The following CA10 variants were observed in gnomAD, a reference collection of about 807,000 sequenced individuals.
CA10 encodes the protein carbonic anhydrase 10 (inactive).
CA10 carries 14 observed loss-of-function variants against 44.2 expected under a neutral mutation model. That is an observed-to-expected ratio of 0.32 (90% CI 0.21 to 0.50). The LOEUF (loss-of-function observed/expected upper bound fraction) is 0.50, where lower values mean the gene tolerates loss of function less well. Among genes scored for constraint, CA10 ranks in the 20% least tolerant of loss-of-function variants. The pLI is 0.99. For synonymous variants in CA10, 159 were observed against 141.6 expected (o/e 1.12, Z -0.87); for missense variants, 350 against 409.7 (o/e 0.85, Z 1.26).
At chr17:51,730,338 T>C (rs999644666) in intron 4 of CA10, among the ~76,000 whole-genome samples, 2 of 152,230 alleles carry the variant, frequency 1.3e-5, no homozygotes, top group Admixed American at 6.5e-5. Context: ...TTCTGTTTCT[T>C]TGATGAGGAA....
intron 2 of CA10, among the ~76,000 whole-genome samples, chr17:51,960,192 T>C (rs1983834804): frequency 6.6e-6 from 1 of 151,854 alleles, no homozygotes. Context: ...GTCATTGAAT[T>C]TGAAAAGTAG....
intron 3 of CA10, 138 bp downstream of exon 3, chr17:51,930,852 T>C (rs1982628256): frequency 2.1e-6 from 2 of 954,000 alleles, no homozygotes; most frequent in Non-Finnish European, 3.2e-6. Context: ...TTCTATCTAA[T>C]GGCGGCAGGT....
chr17:51,754,400 GATATATATATAT>G (rs56145404), intron 3 of CA10, among the ~76,000 whole-genome samples: 1,134 of 73,052 alleles, frequency 0.016, 46 homozygotes, highest in Middle Eastern at 0.065. Context: ...GTGTGTGTGT[GATATATATATAT>G]ATATATATAT....
At chr17:51,756,438 G>C (rs1905081402) in intron 3 of CA10, among the ~76,000 whole-genome samples, 1 of 151,422 alleles carries the variant, frequency 6.6e-6, no homozygotes, top group Non-Finnish European at 1.5e-5. Flanking sequence ...AAGTTGGTAG[G>C]AAGAGTGCTG....
At chr17:51,962,074 A>G (rs888653061) in intron 2 of CA10, among the ~76,000 whole-genome samples, 1 of 152,232 alleles carries the variant, frequency 6.6e-6, no homozygotes. Context: ...CCCAATGCCC[A>G]GGCATATCTC....
intron 2 of CA10, among the ~76,000 whole-genome samples, chr17:52,028,251 G>A (rs1210613159): frequency 6.6e-6 from 1 of 152,122 alleles, no homozygotes; most frequent in African/African-American, 2.4e-5. Flanking sequence ...TTAGCAAGGA[G>A]ACATAGATAT....
chr17:52,019,149 T>C (rs1174176899), intron 2 of CA10, among the ~76,000 whole-genome samples: 1 of 152,078 alleles, frequency 6.6e-6, no homozygotes, highest in Non-Finnish European at 1.5e-5. Context: ...CTTTATAAAT[T>C]ACAAAATTCC....
intron 1 of CA10, 29 bp downstream of exon 1, chr17:52,157,697 T>G (rs1598245809): frequency 6.2e-7 from 1 of 1,607,438 alleles, no homozygotes; most frequent in Non-Finnish European, 8.5e-7. Context: ...ATAATCCAAA[T>G]CAGCCAGTGA....
intron 6 of CA10, among the ~76,000 whole-genome samples, chr17:51,644,174 CT>C (rs35416470): frequency 0.68 from 101,985 of 149,032 alleles, 35,229 homozygotes; most frequent in South Asian, 0.8. Flanking sequence ...AGTTCCCCCC[CT>C]TTTTTTTTTT....
In CA10 at chr17:52,158,606, G is replaced by C. The variant is rs1049032167; in HGVS notation, c.-820C>G. ...TGGGGGCACACAGACTCTCCAGGTC[G>C]CGCGCGCCCTTCCTGCTCCTCTGCT... On this transcript the variant is annotated 5_prime_UTR_variant, in exon 1 of 9. Transcript: ENST00000451037. The C allele has an allele frequency of 6.5e-6, 1 of 152,686 alleles. No individual in the cohort carries two copies. The highest frequency in any genetic ancestry group is 1.5e-5 in the Non-Finnish European group (1 of 68,450). The allele number at this position is 152,686 out of a possible 1,614,324, so 9.5% of individuals were successfully genotyped here.
intron 3 of CA10, among the ~76,000 whole-genome samples, chr17:51,814,757 A>G (rs765853290): frequency 1.3e-5 from 2 of 152,208 alleles, no homozygotes; most frequent in Non-Finnish European, 2.9e-5. Context: ...CCCTCTGTCC[A>G]TAACAAATTT....
At chr17:51,773,499 G>A (rs1905692753) in intron 3 of CA10, among the ~76,000 whole-genome samples, 1 of 152,224 alleles carries the variant, frequency 6.6e-6, no homozygotes, top group South Asian at 2.1e-4. Flanking sequence ...CTAGATTTCT[G>A]CAGGATTATC....
chr17:51,848,053 T>C (rs956543320), intron 3 of CA10, among the ~76,000 whole-genome samples: 1 of 152,210 alleles, frequency 6.6e-6, no homozygotes, highest in Non-Finnish European at 1.5e-5. Flanking sequence ...GCATTCACCT[T>C]GGGCACAAAA....
chr17:51,826,000 T>C (rs989798461), intron 3 of CA10, among the ~76,000 whole-genome samples: 1 of 152,254 alleles, frequency 6.6e-6, no homozygotes, highest in African/African-American at 2.4e-5. Context: ...TCTTAATACA[T>C]TGTGTGTATT....
chr17:51,715,032 A>G (rs1916054358), intron 4 of CA10, among the ~76,000 whole-genome samples: 1 of 152,194 alleles, frequency 6.6e-6, no homozygotes, highest in African/African-American at 2.4e-5. Context: ...GAAAAGAACA[A>G]AATAAGGGAG....
At chr17:52,074,070 T>A (rs1987755230) in intron 1 of CA10, among the ~76,000 whole-genome samples, 1 of 152,142 alleles carries the variant, frequency 6.6e-6, no homozygotes, top group South Asian at 2.1e-4. Context: ...CTCACCCTCC[T>A]TCTCCCCCAA....
At chr17:51,789,170 C>A (rs1906412144) in intron 3 of CA10, among the ~76,000 whole-genome samples, 1 of 152,090 alleles carries the variant, frequency 6.6e-6, no homozygotes, top group African/African-American at 2.4e-5. Context: ...CGTGCGCCAC[C>A]ACACCTGGCT....
chr17:51,805,166 G>A (rs1333866405), intron 3 of CA10, among the ~76,000 whole-genome samples: 1 of 152,174 alleles, frequency 6.6e-6, no homozygotes, highest in East Asian at 1.9e-4. Context: ...CTGGGCAGTT[G>A]TTTGGCAAGC....
chr17:51,907,925 C>T (rs1981629087), intron 3 of CA10, among the ~76,000 whole-genome samples: 3 of 152,146 alleles, frequency 2.0e-5, no homozygotes, highest in African/African-American at 7.2e-5. Context: ...TTCATGAAAA[C>T]ATAAGGTTCA....
Sources: gnomAD v4.1 joint callset for allele counts (sites outside exome capture counted in the v4.1 genomes callset) on GRCh38, gnomAD v4.1.1 for gene constraint, MANE v1.5 for transcripts, NCBI Gene and HGNC (gene_info 2026-07-23, HGNC 2026-07-21) for gene names.